The following ROBO2 variants were observed in gnomAD, a reference collection of about 807,000 sequenced individuals.
The protein encoded by ROBO2 is roundabout homolog 2.
In ROBO2, 53 loss-of-function variants were observed where a neutral mutation model predicts 160.8. The ratio of observed to expected loss-of-function variants is 0.33; its 90% CI spans 0.26 to 0.41. The LOEUF is 0.41. ROBO2 is among the 10% of genes least tolerant of loss of function. The probability of loss-of-function intolerance (pLI) is 1.00; values close to 1 mark genes in which losing one functional copy is unlikely to be tolerated. For synonymous variants in ROBO2, 664 were observed against 611.7 expected, an observed-to-expected ratio of 1.09 and a Z score of -1.26; for missense variants, 1,577 against 1,722.4, an observed-to-expected ratio of 0.92 and a Z score of 1.49.
At chr3:76,765,388 G>A (rs2061523148) in intron 2 of ROBO2, among the ~76,000 whole-genome samples, 1 of 151,626 alleles carries the variant, frequency 6.6e-6, no homozygotes, top group Admixed American at 6.6e-5. Flanking sequence ...CCAGAGTGTG[G>A]TGGTTTTTGA....
chr3:76,007,793 T>A (rs1318177966), intron 2 of ROBO2, among the ~76,000 whole-genome samples: 2 of 152,132 alleles, frequency 1.3e-5, no homozygotes, highest in African/African-American at 4.8e-5. Flanking sequence ...TGGATAATCT[T>A]TGTAAAAAAA....
At position 76,632,544 on chromosome 3, in the gene ROBO2, C is replaced by T. The variant is rs1307881225; in HGVS notation, c.110-465470C>T. On this transcript the variant is annotated intron_variant, in intron 2 of 26. Transcript: ENST00000487694. ...TAGTAAAGTCATTAAATTTGTAAAA[C>T]AATAGAAAATCATCAAAGAAAGGAA... is the stretch of plus-strand genomic sequence containing the variant. Among the ~76,000 whole-genome samples, 3 of 152,022 alleles carry T rather than the reference C, an allele frequency of 2.0e-5. No homozygotes were observed. The East Asian group carries it at 5.8e-4, about 29-fold the overall frequency.
intron 2 of ROBO2, among the ~76,000 whole-genome samples, chr3:76,538,541 C>T (rs1385077407): frequency 1.3e-5 from 2 of 152,180 alleles, no homozygotes; most frequent in Admixed American, 6.5e-5. Context: ...ATGCATAAAA[C>T]CTCTCACACC....
intron 2 of ROBO2, among the ~76,000 whole-genome samples, chr3:76,967,130 G>A (rs2059336902): frequency 6.6e-6 from 1 of 152,118 alleles, no homozygotes; most frequent in South Asian, 2.1e-4. Flanking sequence ...CACATGAATG[G>A]AAAGGTAAGG....
At chr3:76,038,926 A>G (rs2067200472) in intron 2 of ROBO2, among the ~76,000 whole-genome samples, 1 of 151,968 alleles carries the variant, frequency 6.6e-6, no homozygotes, top group Non-Finnish European at 1.5e-5. Flanking sequence ...AATGCAGCTG[A>G]ATTGGTCAAG....
At chr3:77,116,574 C>T (rs4419416) in intron 2 of ROBO2, among the ~76,000 whole-genome samples, 9,961 of 152,042 alleles carry the variant, frequency 0.066, 373 homozygotes, top group East Asian at 0.12. Context: ...GAAAAAAATA[C>T]AAGAAATGTA....
chr3:77,338,494 C>T lies in ROBO2; in HGVS notation c.389-138920C>T, dbSNP rs558764800. Among the ~76,000 whole-genome samples, 3 of 152,142 alleles carry T rather than the reference C, an allele frequency of 2.0e-5. No homozygotes were observed. In the South Asian group the frequency reaches 6.2e-4, roughly 32 times the overall value. Reference sequence around the variant, plus strand: ...GACCTTAAAGATAAAACGCAGAAAGCAAAACTCACAAATGTGGTTGATGCA... The same window carrying T: ...GACCTTAAAGATAAAACGCAGAAAGTAAAACTCACAAATGTGGTTGATGCA... On this transcript the variant is annotated intron_variant, in intron 2 of 25. Coordinates refer to ENST00000461745, the Ensembl canonical transcript of ROBO2.
chr3:77,240,196 C>T (rs767924259), intron 2 of ROBO2, among the ~76,000 whole-genome samples: 11 of 152,118 alleles, frequency 7.2e-5, no homozygotes, highest in Admixed American at 1.3e-4. Context: ...CAGTGGCACT[C>T]GGGCATGGCA....
At chr3:76,184,262 A>G (rs190564698) in intron 2 of ROBO2, among the ~76,000 whole-genome samples, 46 of 152,104 alleles carry the variant, frequency 3.0e-4, no homozygotes, top group Non-Finnish European at 2.5e-4. Flanking sequence ...CTTCTAGGGT[A>G]CCACAGGCTC....
intron 2 of ROBO2, among the ~76,000 whole-genome samples, chr3:77,215,817 A>G (rs1444951264): frequency 3.3e-5 from 5 of 152,204 alleles, no homozygotes; most frequent in African/African-American, 1.2e-4. Flanking sequence ...CCTCAGCTGC[A>G]GGTCTGTTGG....
intron 2 of ROBO2, among the ~76,000 whole-genome samples, chr3:77,011,643 A>G (rs1181941863): frequency 1.3e-5 from 2 of 152,106 alleles, no homozygotes; most frequent in Non-Finnish European, 2.9e-5. Context: ...CCTCAGACCT[A>G]TCAGATGAAC....
intron 2 of ROBO2, among the ~76,000 whole-genome samples, chr3:76,677,659 G>A (rs9830174): frequency 0.54 from 82,253 of 151,604 alleles, 23,160 homozygotes; most frequent in East Asian, 0.76. Flanking sequence ...GTAATAGCTA[G>A]GGGTCACAAT....
intron 2 of ROBO2, among the ~76,000 whole-genome samples, chr3:76,587,258 G>A (rs2086105098): frequency 1.3e-5 from 2 of 151,906 alleles, no homozygotes; most frequent in African/African-American, 4.8e-5. Context: ...ATGAGATTAG[G>A]GGCTTTTCCT....
At chr3:76,034,946 T>C (rs2067054194) in intron 2 of ROBO2, among the ~76,000 whole-genome samples, 1 of 152,046 alleles carries the variant, frequency 6.6e-6, no homozygotes, top group South Asian at 2.1e-4. Context: ...TCTGATTTCT[T>C]TTACTCTCCC....
intron 2 of ROBO2, among the ~76,000 whole-genome samples, chr3:77,353,015 A>G (rs962104922): frequency 1.3e-5 from 2 of 152,224 alleles, no homozygotes; most frequent in Admixed American, 6.5e-5. Flanking sequence ...AGTGTTTACA[A>G]CTTATCCACA....
intron 2 of ROBO2, among the ~76,000 whole-genome samples, chr3:76,132,804 T>C (rs947403051): frequency 2.0e-5 from 3 of 152,138 alleles, no homozygotes; most frequent in Non-Finnish European, 2.9e-5. Flanking sequence ...CTTTTTCTTA[T>C]ATGTGAATAA....
At chr3:77,355,322 C>G (rs1378230237) in intron 2 of ROBO2, among the ~76,000 whole-genome samples, 1 of 152,136 alleles carries the variant, frequency 6.6e-6, no homozygotes. Flanking sequence ...CAATCTGTAG[C>G]CCTCTGAGTC....
At chr3:76,497,530 T>C (rs2080218965) in intron 2 of ROBO2, among the ~76,000 whole-genome samples, 1 of 152,202 alleles carries the variant, frequency 6.6e-6, no homozygotes, top group South Asian at 2.1e-4. Context: ...CTCCAACTAC[T>C]GTACCTAAAA....
At chr3:76,297,706 TAAAAAAAAAA>T (rs71277576) in intron 2 of ROBO2, among the ~76,000 whole-genome samples, 3 of 56,658 alleles carry the variant, frequency 5.3e-5, no homozygotes, top group South Asian at 8.2e-4. Flanking sequence ...CTGCTTTCCT[TAAAAAAAAAA>T]AAAAAAAAAA....
Sources: allele counts gnomAD v4.1 joint callset (sites outside exome capture counted in the v4.1 genomes callset), GRCh38; gene constraint gnomAD v4.1.1; transcripts MANE v1.5; gene names NCBI Gene and HGNC (gene_info 2026-07-23, HGNC 2026-07-21).